Variants in PRR5 observed in about 807,000 individuals in gnomAD.
The protein encoded by PRR5 is proline-rich protein 5.
In PRR5, 25 loss-of-function variants were observed where a neutral mutation model predicts 30.6. The ratio of observed to expected loss-of-function variants is 0.82; its 90% CI spans 0.60 to 1.14. PRR5 has a LOEUF of 1.14. Ranked by LOEUF, PRR5 falls within the 50% of genes most tolerant of loss-of-function variation. PRR5 has a pLI of 0.00. For missense variants in PRR5, 600 were observed against 547.1 expected, an observed-to-expected ratio of 1.10 and a Z score of -0.96; for synonymous variants, 286 against 247.1, an observed-to-expected ratio of 1.16 and a Z score of -1.48.
chr22:44,731,658 A>T (rs772174466), intron 4 of PRR5, 72 bp from the exon 5 acceptor site: 6 of 1,489,292 alleles, frequency 4.0e-6, no homozygotes, highest in Admixed American at 1.7e-5. Context: ...TCCTCTGATG[A>T]CCCATCCTGG....
intron 6 of PRR5, 134 bp from the exon 7 acceptor site, chr22:44,734,893 G>T: frequency 7.7e-7 from 1 of 1,292,808 alleles, no homozygotes; most frequent in African/African-American, 1.5e-5. Flanking sequence ...CTGCCATGGG[G>T]ACAGAGAGCC....
intron 4 of PRR5, 45 bp from the exon 5 acceptor site, chr22:44,731,685 G>C: frequency 6.3e-7 from 1 of 1,597,880 alleles, no homozygotes; most frequent in Non-Finnish European, 8.6e-7. Flanking sequence ...GGAGGCATCT[G>C]CCCGCGCCAG....
chr22:44,702,096 C>G (rs565840783), upstream of PRR5: 1 of 206,438 alleles, frequency 4.8e-6, no homozygotes, highest in South Asian at 1.7e-4. Flanking sequence ...CTTGCACACG[C>G]CCCCTCGCCT....
At chr22:44,679,829 A>G (rs762478722) in intron 1 of PRR5, 1 of 1,599,318 alleles carries the variant, frequency 6.3e-7, no homozygotes, top group Admixed American at 1.7e-5. Flanking sequence ...CACAGAGGGA[A>G]GCCTGGGGCT....
chr22:44,712,025 T>C (rs1928321861), intron 1 of PRR5, among the ~76,000 whole-genome samples: 2 of 152,046 alleles, frequency 1.3e-5, no homozygotes, highest in Non-Finnish European at 1.5e-5. Flanking sequence ...TGTGACATAG[T>C]TGTGGGGCTG....
rs552842098 is a variant in PRR5, at chr22:44,736,652, G to A, written c.692-120G>A. ...GTGGGACCTGCTGAGCCGGGCCCCGGGTCGGGCCTTCCCTGCAGCTGCCCC... is the reference window on the plus strand; with the variant it reads ...GTGGGACCTGCTGAGCCGGGCCCCGAGTCGGGCCTTCCCTGCAGCTGCCCC... On this transcript the variant is annotated intron_variant, in intron 7 of 7. Transcript: ENST00000336985. 42 of 1,452,348 alleles carry A rather than the reference G, an allele frequency of 2.9e-5. No individual in the cohort carries two copies. In the East Asian group the frequency reaches 9.4e-4, roughly 33 times the overall value. The allele number at this position is 1,452,348 out of a possible 1,614,324, so 90.0% of individuals were successfully genotyped here.
chr22:44,708,849 C>T (rs1927664525), intron 1 of PRR5, among the ~76,000 whole-genome samples: 1 of 151,464 alleles, frequency 6.6e-6, no homozygotes, highest in Non-Finnish European at 1.5e-5. Context: ...CGCCTGTAGT[C>T]CTAGCTACTC....
At chr22:44,697,204 G>A (rs565483416), upstream of PRR5, among the ~76,000 whole-genome samples, 147 of 152,332 alleles carry the variant, frequency 9.6e-4, no homozygotes, top group Admixed American at 2.8e-3. Flanking sequence ...AGGCCACCAG[G>A]TCCGGTGGCC....
chr22:44,682,277 G>C (rs1924362692), intron 1 of PRR5, among the ~76,000 whole-genome samples: 1 of 152,246 alleles, frequency 6.6e-6, no homozygotes, highest in South Asian at 2.1e-4. Flanking sequence ...ACTGAGCTCA[G>C]GTGAATTTCC....
At chr22:44,718,797 T>C (rs1316858122) in intron 2 of PRR5, among the ~76,000 whole-genome samples, 2 of 152,222 alleles carry the variant, frequency 1.3e-5, no homozygotes, top group Non-Finnish European at 2.9e-5. Context: ...GATATCTTCT[T>C]TGGAGAACTG....
chr22:44,722,009 G>T (rs1024066927), intron 2 of PRR5, among the ~76,000 whole-genome samples: 8 of 152,232 alleles, frequency 5.3e-5, no homozygotes, highest in African/African-American at 1.9e-4. Context: ...TCACAGCTTG[G>T]TCCTTGGCGG....
At chr22:44,726,699 T>C (rs1920960970) in intron 4 of PRR5, 65 bp downstream of exon 4, 2 of 1,611,226 alleles carry the variant, frequency 1.2e-6, no homozygotes. Flanking sequence ...GCTGGACTGC[T>C]GGGCCTCGTG....
chr22:44,702,348 T>TC lies in PRR5; in HGVS notation c.-126dup. 9.4e-6 allele frequency: 11 copies of TC among 1,176,462 alleles called. No individual in the cohort carries two copies. The highest frequency in any genetic ancestry group is 9.5e-6 in the Non-Finnish European group (9 of 949,948). 72.9% of individuals were successfully genotyped at this position (1,176,462 alleles called of 1,614,324 possible). A position where few individuals can be genotyped will look rare whatever the true frequency, so the allele number is the denominator to read the frequency against. ...CCGGGGCGGGACCCCGCAGGACCGC[T>TC]CGGCTTCCTGCTCTCGCCGGAGTTT... On this transcript the variant is annotated 5_prime_UTR_variant, in exon 1 of 8. It removes the in-frame stop codon of an upstream open reading frame in the 5' UTR. Transcript: ENST00000336985.
At chr22:44,698,329 C>T (rs1925950955), upstream of PRR5, among the ~76,000 whole-genome samples, 1 of 151,006 alleles carries the variant, frequency 6.6e-6, no homozygotes, top group Non-Finnish European at 1.5e-5. Context: ...GCAGGGGTGG[C>T]TCTGGTGGCT....
rs899874822 is a variant in PRR5, at chr22:44,679,998, G to C, written c.-11+2758G>C. The C allele has an allele frequency of 6.3e-6, 6 of 956,546 alleles. No individual in the cohort carries two copies. In the African/African-American group the frequency reaches 8.3e-5, roughly 13 times the overall value. The allele number at this position is 956,546 out of a possible 1,614,324, so 59.3% of individuals were successfully genotyped here. On this transcript the variant is annotated intron_variant, in intron 1 of 8. Transcript: ENST00000006251. ...AGTAGGACGGCGAGAGACCCACGGG[G>C]AATGAGGGCTGGACCTCAGCCTGAG...
At chr22:44,694,573 A>G (rs942206694) in intron 1 of PRR5, among the ~76,000 whole-genome samples, 5 of 152,114 alleles carry the variant, frequency 3.3e-5, no homozygotes, top group Non-Finnish European at 5.9e-5. Flanking sequence ...AGACACAGGC[A>G]TGGTCCTCAT....
At chr22:44,713,311 G>A (rs904105938) in intron 1 of PRR5, among the ~76,000 whole-genome samples, 2 of 152,218 alleles carry the variant, frequency 1.3e-5, no homozygotes, top group African/African-American at 4.8e-5. Context: ...AGGTAGAAAT[G>A]GGCTAGACTT....
rs375987474 is a variant in PRR5 at position 44,736,707 on chromosome 22, C to T, written c.692-65C>T. 4.0e-5 allele frequency: 61 copies of T among 1,508,068 alleles called. 1 individual carries two copies. The East Asian group carries it at 6.6e-4, about 16-fold the overall frequency. 93.4% of individuals were successfully genotyped at this position (1,508,068 alleles called of 1,614,324 possible). On this transcript the variant is annotated intron_variant, in intron 7 of 7. Coordinates refer to ENST00000336985, the MANE Select transcript of PRR5 (RefSeq NM_181333.4). ...CAGGGACCCAGTGTGCAGTGAGCAG[C>T]AGGTGCCAAGGCGGGCGGGGACCCA...
At chr22:44,710,804 G>A (rs1318185517) in intron 1 of PRR5, among the ~76,000 whole-genome samples, 3 of 152,282 alleles carry the variant, frequency 2.0e-5, no homozygotes, top group African/African-American at 7.2e-5. Flanking sequence ...AAGCCACAGA[G>A]TAGGTGGGCC....
Sources: gnomAD v4.1 joint callset for allele counts (sites outside exome capture counted in the v4.1 genomes callset) on GRCh38, gnomAD v4.1.1 for gene constraint, MANE v1.5 for transcripts, NCBI Gene and HGNC (gene_info 2026-07-23, HGNC 2026-07-21) for gene names.